Variants in NLGN1 observed in about 807,000 individuals in gnomAD.
NLGN1 encodes neuroligin 1, also known as neuroligin-1.
A neutral mutation model predicts 65.5 loss-of-function variants in NLGN1; 12 were observed. The ratio of observed to expected loss-of-function variants is 0.18; its 90% CI spans 0.12 to 0.30. The LOEUF (loss-of-function observed/expected upper bound fraction) is 0.30, where lower values mean the gene tolerates loss of function less well. Ranked by LOEUF, NLGN1 falls within the 10% of genes least tolerant of loss-of-function variation. The pLI, the probability that NLGN1 is intolerant of heterozygous loss-of-function variation, is 1.00. For synonymous variants in NLGN1, 350 were observed against 359.5 expected, an observed-to-expected ratio of 0.97 and a Z score of 0.30; for missense variants, 750 against 1,007.1, an observed-to-expected ratio of 0.74 and a Z score of 3.46.
At chr3:174,220,934 C>CATT (rs1307434301) in intron 4 of NLGN1, among the ~76,000 whole-genome samples, 1 of 152,024 alleles carries the variant, frequency 6.6e-6, no homozygotes, top group Non-Finnish European at 1.5e-5. Flanking sequence ...CAGATAATTC[C>CATT]ATTACATAGA....
intron 3 of NLGN1, among the ~76,000 whole-genome samples, chr3:173,760,657 C>A (rs1777839206): frequency 6.6e-6 from 1 of 151,804 alleles, no homozygotes; most frequent in Admixed American, 6.6e-5. Flanking sequence ...TTATTTAGTA[C>A]CTCTTTCTAA....
rs570589286 is a variant in NLGN1, at chr3:173,724,870, C to T, written c.494-82810C>T. 1.2e-4 allele frequency among the ~76,000 whole-genome samples: 19 copies of T among 152,266 alleles called. No homozygotes were observed. The South Asian group carries it at 3.9e-3, about 32-fold the overall frequency. On this transcript the variant is annotated intron_variant, in intron 3 of 6. Coordinates refer to ENST00000457714, the Ensembl canonical transcript of NLGN1. ...ATGCAGCCATAAAAATGCATGAGTT[C>T]ATGTCCTTTGTAGGGACATGGACGA... is the stretch of plus-strand genomic sequence containing the variant.
chr3:174,272,732 G>C, intron 4 of NLGN1, among the ~76,000 whole-genome samples: 1 of 151,418 alleles, frequency 6.6e-6, no homozygotes. Context: ...AAGATAGATA[G>C]ATGATAGATA....
At chr3:173,663,960 G>A (rs1417097651) in intron 3 of NLGN1, among the ~76,000 whole-genome samples, 1 of 151,724 alleles carries the variant, frequency 6.6e-6, no homozygotes, top group Non-Finnish European at 1.5e-5. Flanking sequence ...TACTTCTTAG[G>A]TGTTTTTCCC....
In NLGN1 at chr3:174,228,075, T is replaced by A. The variant is rs1740057286; in HGVS notation, c.647-47240T>A. Among the ~76,000 whole-genome samples the A allele has an allele frequency of 2.0e-5, 3 of 148,140 alleles. No individual in the cohort carries two copies. In the East Asian group the frequency reaches 6.2e-4, roughly 31 times the overall value. Reference sequence around the variant, plus strand: ...GGATTATTGTGTTTTTCTCTCTCCATTTTTTTTTTACATTGAAATTGTTTA... The same window carrying A: ...GGATTATTGTGTTTTTCTCTCTCCAATTTTTTTTTACATTGAAATTGTTTA... On this transcript the variant is annotated intron_variant, in intron 4 of 6. Coordinates refer to ENST00000457714, the Ensembl canonical transcript of NLGN1.
At chr3:174,190,889 T>C (rs1408345528) in intron 4 of NLGN1, among the ~76,000 whole-genome samples, 3 of 152,054 alleles carry the variant, frequency 2.0e-5, no homozygotes, top group Non-Finnish European at 4.4e-5. Flanking sequence ...ACCCTGATTT[T>C]CAAGAAATCT....
intron 3 of NLGN1, among the ~76,000 whole-genome samples, chr3:173,696,074 A>G (rs1341798131): frequency 6.6e-6 from 1 of 152,202 alleles, no homozygotes; most frequent in Non-Finnish European, 1.5e-5. Context: ...TGCCTCTCAA[A>G]GTGTGAAGAT....
intron 2 of NLGN1, among the ~76,000 whole-genome samples, chr3:173,538,801 A>G (rs1423679864): frequency 6.6e-6 from 1 of 152,186 alleles, no homozygotes; most frequent in African/African-American, 2.4e-5. Flanking sequence ...CATGCTATTC[A>G]GTAATTATTA....
At chr3:174,259,685 C>CTT (rs5854562) in intron 4 of NLGN1, among the ~76,000 whole-genome samples, 13 of 144,748 alleles carry the variant, frequency 9.0e-5, no homozygotes, top group Non-Finnish European at 1.1e-4. Flanking sequence ...AGTAGAATTC[C>CTT]TTTTTTTTTT....
chr3:173,575,630 C>G (rs1231820442), intron 2 of NLGN1, among the ~76,000 whole-genome samples: 1 of 152,098 alleles, frequency 6.6e-6, no homozygotes, highest in Non-Finnish European at 1.5e-5. Context: ...TATTCTGATC[C>G]CATCCTTGGC....
intron 3 of NLGN1, among the ~76,000 whole-genome samples, chr3:173,784,747 G>A (rs1781687828): frequency 9.9e-6 from 1 of 101,440 alleles, no homozygotes; most frequent in African/African-American, 6.9e-5. Context: ...AAGACATTCT[G>A]AAGAAGAGAG....
intron 2 of NLGN1, among the ~76,000 whole-genome samples, chr3:173,474,076 G>T (rs1725775829): frequency 6.6e-6 from 1 of 152,086 alleles, no homozygotes; most frequent in Non-Finnish European, 1.5e-5. Context: ...AATACTGGGT[G>T]TATTTTTTTT....
intron 2 of NLGN1, among the ~76,000 whole-genome samples, chr3:173,555,185 G>A (rs1342209449): frequency 6.6e-6 from 1 of 152,188 alleles, no homozygotes; most frequent in Non-Finnish European, 1.5e-5. Context: ...GTTGGTTTGT[G>A]AAATATATCT....
At chr3:173,829,366 C>G (rs1183596287) in intron 4 of NLGN1, among the ~76,000 whole-genome samples, 1 of 151,960 alleles carries the variant, frequency 6.6e-6, no homozygotes, top group Non-Finnish European at 1.5e-5. Flanking sequence ...ATCCAAAATC[C>G]AAATATGCAT....
chr3:173,633,492 A>T (rs1157837024), intron 3 of NLGN1, among the ~76,000 whole-genome samples: 1 of 152,178 alleles, frequency 6.6e-6, no homozygotes, highest in Non-Finnish European at 1.5e-5. Flanking sequence ...CTGATCTTTA[A>T]GAAATAGAAG....
At chr3:173,454,747 C>G (rs1014393816) in intron 2 of NLGN1, among the ~76,000 whole-genome samples, 7 of 152,206 alleles carry the variant, frequency 4.6e-5, no homozygotes, top group African/African-American at 1.7e-4. Flanking sequence ...AATGTTGTAG[C>G]TGTTTTGATC....
chr3:173,398,983 A>C (rs1204720641), intron 1 of NLGN1, among the ~76,000 whole-genome samples: 1 of 152,164 alleles, frequency 6.6e-6, no homozygotes, highest in Non-Finnish European at 1.5e-5. Flanking sequence ...AACCTATAAA[A>C]TGTCTCAGCA....
At chr3:174,223,139 T>C (rs1738970809) in intron 4 of NLGN1, among the ~76,000 whole-genome samples, 1 of 152,150 alleles carries the variant, frequency 6.6e-6, no homozygotes, top group South Asian at 2.1e-4. Flanking sequence ...GTTCTCACAA[T>C]GATCAGAGGA....
At chr3:173,882,533 G>C (rs1733541316) in intron 4 of NLGN1, among the ~76,000 whole-genome samples, 1 of 152,174 alleles carries the variant, frequency 6.6e-6, no homozygotes, top group Admixed American at 6.5e-5. Flanking sequence ...AGCATTTCCT[G>C]CTTCACATTG....
Sources: allele counts gnomAD v4.1 joint callset (sites outside exome capture counted in the v4.1 genomes callset), GRCh38; gene constraint gnomAD v4.1.1; transcripts MANE v1.5; gene names NCBI Gene and HGNC (gene_info 2026-07-23, HGNC 2026-07-21).